SP3: variants seen among roughly 807,000 people sequenced by gnomAD.
The protein encoded by SP3 is Sp3 transcription factor, also known as transcription factor Sp3.
Under a neutral mutation model 70.3 loss-of-function variants are expected in SP3, and 10 were observed. That is an observed-to-expected ratio of 0.14 (90% CI 0.09 to 0.24). The LOEUF (loss-of-function observed/expected upper bound fraction) is 0.24, where lower values mean the gene tolerates loss of function less well. Ranked by LOEUF, SP3 falls within the 10% of genes least tolerant of loss-of-function variation. SP3 has a pLI of 1.00. For synonymous variants in SP3, 402 were observed against 333.5 expected, an observed-to-expected ratio of 1.21 and a Z score of -2.24; for missense variants, 825 against 914.6, an observed-to-expected ratio of 0.90 and a Z score of 1.26.
rs1033344030 is a variant in SP3 at position 173,901,513 on chromosome 2, C to T, written c.*8428G>A. On this transcript the variant is annotated 3_prime_UTR_variant, in exon 7 of 7. Coordinates refer to ENST00000310015, the MANE Select transcript of SP3 (RefSeq NM_003111.5). ...GGCAAAGGATTCAAACAGGCAACTC[C>T]CATCAGAGGAAAATGGATTATGAAC... is the stretch of plus-strand genomic sequence containing the variant. 3.3e-5 allele frequency among the ~76,000 whole-genome samples: 5 copies of T among 151,940 alleles called. No individual in the cohort carries two copies. Among genetic ancestry groups the T allele is most frequent in the African/African-American group, 1.2e-4 (5 of 41,352 alleles).
chr2:173,946,180 T>G (rs1574417741), intron 4 of SP3, among the ~76,000 whole-genome samples: 1 of 151,934 alleles, frequency 6.6e-6, no homozygotes, highest in Admixed American at 6.6e-5. Context: ...CTTTAAATGG[T>G]AGAAATAAAG....
chr2:173,912,917 TA>T (rs1245210124), intron 6 of SP3, among the ~76,000 whole-genome samples, 152 bp downstream of exon 6: 1 of 152,156 alleles, frequency 6.6e-6, no homozygotes, highest in East Asian at 1.9e-4. Context: ...GAATTTGTGT[TA>T]TTAAGATGGT....
chr2:173,952,044 T>C (rs1335516836), intron 4 of SP3, among the ~76,000 whole-genome samples: 2 of 152,146 alleles, frequency 1.3e-5, no homozygotes, highest in Admixed American at 1.3e-4. Context: ...ACAAATTTTG[T>C]CATCTGCAGC....
intron 4 of SP3, among the ~76,000 whole-genome samples, chr2:173,933,036 A>C (rs1188389236): frequency 1.3e-5 from 2 of 152,144 alleles, no homozygotes; most frequent in Non-Finnish European, 2.9e-5. Flanking sequence ...GAAATATTCC[A>C]AGAATTGCCA....
In SP3 at chr2:173,929,163, A is replaced by G. The variant is rs145404565; in HGVS notation, c.1640-10378T>C. Among the ~76,000 whole-genome samples the G allele has an allele frequency of 4.1e-3, 618 of 152,262 alleles. 1 individual carries two copies. Among genetic ancestry groups the G allele is most frequent in the Admixed American group, 8.6e-3 (131 of 15,292 alleles). On this transcript the variant is annotated intron_variant, in intron 4 of 6. Coordinates refer to ENST00000310015, the MANE Select transcript of SP3 (RefSeq NM_003111.5). The stretch of plus-strand genomic sequence containing the variant: ...GGTGAAAGAAAACGTGGCAAATCAC[A>G]TTCTGTTCTTTAACTTCCACTCACA...
At chr2:173,935,429 A>C (rs1218113044) in intron 4 of SP3, among the ~76,000 whole-genome samples, 1 of 152,154 alleles carries the variant, frequency 6.6e-6, no homozygotes, top group African/African-American at 2.4e-5. Flanking sequence ...TCAAAACCAA[A>C]CTATCTGAGT....
At chr2:173,930,096 T>C (rs1055501929) in intron 4 of SP3, among the ~76,000 whole-genome samples, 1 of 152,206 alleles carries the variant, frequency 6.6e-6, no homozygotes, top group Non-Finnish European at 1.5e-5. Context: ...TTAGTCTCTT[T>C]TCCCTAACCC....
chr2:173,963,025 TA>T (rs1163839351), intron 3 of SP3: 4 of 152,364 alleles, frequency 2.6e-5, no homozygotes, highest in Middle Eastern at 3.4e-3. Flanking sequence ...CAAATTCAGC[TA>T]TAAGTATTGT....
intron 1 of SP3, chr2:173,964,773 CCCTCCT>C (rs961722041): frequency 1.4e-5 from 6 of 432,678 alleles, no homozygotes; most frequent in South Asian, 3.9e-5. Context: ...CCTCCTCTTT[CCCTCCT>C]CCTCCTCCTC....
At chr2:173,950,856 G>C (rs1690692017) in intron 4 of SP3, among the ~76,000 whole-genome samples, 1 of 151,992 alleles carries the variant, frequency 6.6e-6, no homozygotes, top group African/African-American at 2.4e-5. Context: ...TCCTCAAAAT[G>C]AATTTATTAC....
intron 3 of SP3, chr2:173,962,945 T>C (rs1691132500): frequency 6.6e-6 from 1 of 152,212 alleles, no homozygotes; most frequent in South Asian, 2.1e-4. Context: ...CTGAAAACAC[T>C]ACAGAAAGAA....
intron 4 of SP3, among the ~76,000 whole-genome samples, chr2:173,928,834 T>C (rs891784992): frequency 6.6e-6 from 1 of 152,252 alleles, no homozygotes; most frequent in African/African-American, 2.4e-5. Context: ...ATTTTTCTTT[T>C]GCCCTCCAAT....
intron 5 of SP3, chr2:173,914,293 T>C (rs935577820): frequency 6.6e-6 from 1 of 152,112 alleles, no homozygotes; most frequent in Non-Finnish European, 1.5e-5. Flanking sequence ...AAAAAGTACA[T>C]TTAGCCCCCT....
rs1261579425 is a variant in SP3 at position 173,955,853 on chromosome 2, G to T, written c.659C>A (p.Pro220His). 8 of 1,614,084 alleles carry T rather than the reference G, an allele frequency of 5.0e-6. No homozygotes were observed. Among genetic ancestry groups the T allele is most frequent in the Admixed American group, 1.7e-5 (1 of 60,004 alleles). Residue 220 changes from proline (P) to histidine (H), a missense_variant, in exon 4 of 7, where the codon CCT becomes CAT. Pro to His is a moderately conservative substitution (Grantham distance 77, BLOSUM62 -2). Around this residue, in one of 4 missense-constraint regions of SP3, gnomAD observed 678 missense variants for 651.6 expected, o/e 1.04. Coordinates refer to ENST00000310015, the MANE Select transcript of SP3 (RefSeq NM_003111.5). The part of the protein sequence containing the change: ...SNQTLLASGT[P>H]SANIQNLIPQ... ...TATGAGATTCTGGATGTTAGCAGAA[G>T]GTGTTCCAGAGGCAAGTAAGGTTTG... is the stretch of plus-strand genomic sequence containing the variant.
intron 4 of SP3, among the ~76,000 whole-genome samples, chr2:173,932,189 G>A (rs1690085096): frequency 6.6e-6 from 1 of 152,036 alleles, no homozygotes; most frequent in Non-Finnish European, 1.5e-5. Context: ...TTATCAATTT[G>A]CCTAGTTTTT....
chr2:173,955,231 A>G lies in SP3; in HGVS notation c.1281T>C (p.Ser427=), dbSNP rs750246274. ...TPQTIHGVQA[S]GQNISQQALQ... ...AAGCCTGTTGTGATATATTTTGACC[A>G]CTGGCTTGCACACCATGGATTGTCT... Residue 427 remains serine, a synonymous_variant, in exon 4 of 7, where the codon AGT becomes AGC. Transcript: ENST00000310015. 2 of 1,614,156 alleles carry G rather than the reference A, an allele frequency of 1.2e-6. No individual in the cohort carries two copies. Among genetic ancestry groups the G allele is most frequent in the East Asian group, 4.5e-5 (2 of 44,886 alleles).
intron 4 of SP3, among the ~76,000 whole-genome samples, chr2:173,919,106 A>G (rs1301261795): frequency 6.6e-6 from 1 of 152,198 alleles, no homozygotes; most frequent in Non-Finnish European, 1.5e-5. Flanking sequence ...GTAAGAAGGA[A>G]CTTCCAATAT....
chr2:173,933,503 A>G (rs921113910), intron 4 of SP3, among the ~76,000 whole-genome samples: 1 of 151,670 alleles, frequency 6.6e-6, no homozygotes, highest in East Asian at 1.9e-4. Context: ...TTATGAATCA[A>G]TGTTAATGGA....
At chr2:173,960,869 G>A (rs573182073) in intron 3 of SP3, among the ~76,000 whole-genome samples, 55 of 152,096 alleles carry the variant, frequency 3.6e-4, no homozygotes, top group Non-Finnish European at 5.4e-4. Context: ...CCAGTTACTC[G>A]GGAGGCTGAG....
Sources: allele counts gnomAD v4.1 joint callset (sites outside exome capture counted in the v4.1 genomes callset), GRCh38; gene constraint gnomAD v4.1.1; regional missense constraint gnomAD v4.1.1; transcripts MANE v1.5; gene names NCBI Gene and HGNC (gene_info 2026-07-23, HGNC 2026-07-21).